HDX: variants seen among roughly 807,000 people sequenced by gnomAD.
HDX encodes chromosome X open reading frame 43.
HDX carries 19 observed loss-of-function variants against 45.2 expected under a neutral mutation model. The observed-to-expected ratio is 0.42, with a 90% CI of 0.29 to 0.62. The LOEUF (loss-of-function observed/expected upper bound fraction) is 0.62. Ranked by LOEUF, HDX falls within the 20% of genes least tolerant of loss-of-function variation. The probability of loss-of-function intolerance (pLI) is 0.20; values close to 1 mark genes in which losing one functional copy is unlikely to be tolerated. For synonymous variants in HDX, 188 were observed against 172.8 expected (o/e 1.09, Z -0.69); for missense variants, 532 against 493.9 (o/e 1.08, Z -0.73).
chrX:84,350,885 G>C (rs1239956602), intron 6 of HDX, among the ~76,000 whole-genome samples: 1 of 111,064 alleles, frequency 9.0e-6, no homozygotes, highest in African/African-American at 3.3e-5. Flanking sequence ...ATTTCTTTTA[G>C]TGTATTTTGT....
chrX:84,426,919 A>G (rs2057913106), intron 5 of HDX, among the ~76,000 whole-genome samples: 1 of 110,652 alleles, frequency 9.0e-6, no homozygotes, highest in African/African-American at 3.3e-5. Flanking sequence ...CCTTAAATAT[A>G]TACAATTTTA....
At chrX:84,469,642 C>T (rs752686739) in intron 3 of HDX, 67 bp from the exon 4 acceptor site, 8 of 879,019 alleles carry the variant, frequency 9.1e-6, no homozygotes, top group Middle Eastern at 5.7e-4. Context: ...ACAAATTTTA[C>T]GTGGTACATT....
At chrX:84,385,029 GA>G (rs753305699) in intron 5 of HDX, among the ~76,000 whole-genome samples, 1 of 109,130 alleles carries the variant, frequency 9.2e-6, no homozygotes, top group Admixed American at 9.8e-5. Flanking sequence ...GGTTCCATGT[GA>G]AAGTTAGAAT....
At chrX:84,386,515 T>G (rs2038324503) in intron 5 of HDX, among the ~76,000 whole-genome samples, 1 of 111,828 alleles carries the variant, frequency 8.9e-6, no homozygotes, top group African/African-American at 3.3e-5. Flanking sequence ...TTGTTATTAC[T>G]GATAAAACTT....
intron 4 of HDX, among the ~76,000 whole-genome samples, chrX:84,449,764 G>C (rs1046359141): frequency 8.9e-6 from 1 of 111,822 alleles, no homozygotes; most frequent in Non-Finnish European, 1.9e-5. Flanking sequence ...AAAGGGAAAA[G>C]ACTCCAATGT....
At chrX:84,402,329 T>G (rs960135483) in intron 5 of HDX, among the ~76,000 whole-genome samples, 13 of 112,204 alleles carry the variant, frequency 1.2e-4, no homozygotes, top group Non-Finnish European at 5.6e-5. Context: ...GGCTGTAACA[T>G]TCTATGCTTT....
chrX:84,456,133 A>G (rs1272639209), intron 4 of HDX, among the ~76,000 whole-genome samples: 1 of 112,205 alleles, frequency 8.9e-6, no homozygotes, highest in East Asian at 2.8e-4. Flanking sequence ...ATCTGATGGT[A>G]CAAATCTCCC....
intron 6 of HDX, among the ~76,000 whole-genome samples, chrX:84,349,955 G>T (rs1419594026): frequency 9.1e-6 from 1 of 109,475 alleles, no homozygotes; most frequent in South Asian, 3.9e-4. Context: ...AAAATCACCT[G>T]TTGGGTACAA....
At chrX:84,426,537 TA>T (rs1187539424) in intron 5 of HDX, among the ~76,000 whole-genome samples, 1 of 110,255 alleles carries the variant, frequency 9.1e-6, no homozygotes, top group Non-Finnish European at 1.9e-5. Flanking sequence ...CTAAGTAAAA[TA>T]AGGGCTGACA....
intron 5 of HDX, among the ~76,000 whole-genome samples, chrX:84,375,896 A>C (rs2038043881): frequency 8.9e-6 from 1 of 112,199 alleles, no homozygotes; most frequent in African/African-American, 3.2e-5. Flanking sequence ...AAGTATAATA[A>C]TAATAAAATA....
At chrX:84,384,378 GT>G (rs951252657) in intron 5 of HDX, among the ~76,000 whole-genome samples, 25 of 110,320 alleles carry the variant, frequency 2.3e-4, no homozygotes, top group Middle Eastern at 9.4e-3. Flanking sequence ...TATTGGGGTT[GT>G]TTTTTGTTGA....
intron 2 of HDX, among the ~76,000 whole-genome samples, chrX:84,485,648 T>G (rs1415755518): frequency 8.9e-6 from 1 of 112,258 alleles, no homozygotes; most frequent in Non-Finnish European, 1.9e-5. Flanking sequence ...TCTGCCCTCC[T>G]TGGCCTCCCA....
intron 5 of HDX, among the ~76,000 whole-genome samples, chrX:84,435,507 A>C (rs959033090): frequency 9.1e-6 from 1 of 109,748 alleles, no homozygotes; most frequent in African/African-American, 3.3e-5. Context: ...CCCACGTTGT[A>C]GGTTGCCTGT....
At chrX:84,353,697 T>A (rs781177067) in intron 6 of HDX, among the ~76,000 whole-genome samples, 2 of 111,755 alleles carry the variant, frequency 1.8e-5, no homozygotes, top group Admixed American at 1.9e-4. Context: ...AGATTGTTAC[T>A]GGCAGAGATT....
intron 4 of HDX, among the ~76,000 whole-genome samples, chrX:84,441,846 T>G (rs1033779774): frequency 9.0e-6 from 1 of 111,460 alleles, no homozygotes; most frequent in Admixed American, 9.6e-5. Context: ...TCAAGTTCAA[T>G]ACATTCTCAT....
chrX:84,399,017 A>G (rs1012782035), intron 5 of HDX, among the ~76,000 whole-genome samples: 1 of 111,852 alleles, frequency 8.9e-6, no homozygotes, highest in Non-Finnish European at 1.9e-5. Context: ...CTTTGAAATG[A>G]ATAAGAACAA....
At chrX:84,428,562 A>G (rs1261482308) in intron 5 of HDX, among the ~76,000 whole-genome samples, 2 of 110,914 alleles carry the variant, frequency 1.8e-5, no homozygotes, top group East Asian at 5.7e-4. Context: ...ACATAATAGA[A>G]ATCACATAAT....
Position 84,449,058 on chromosome X carries a change from C to T in HDX, c.1252-8473G>A, listed in dbSNP as rs181962268. ...AACTTCAACAATAGATCACACCAAG[C>T]AGAAGAACGAATTTCAGAATGGGAA... is the stretch of plus-strand genomic sequence containing the variant. On this transcript the variant is annotated intron_variant, in intron 4 of 10. Transcript: ENST00000373177. Among the ~76,000 whole-genome samples the T allele has an allele frequency of 8.4e-5, 9 of 107,292 alleles. No homozygotes were observed. The East Asian group carries it at 2.7e-3, about 32-fold the overall frequency. 93.2% of individuals were successfully genotyped at this position (107,292 alleles called of 115,157 possible).
intron 5 of HDX, among the ~76,000 whole-genome samples, chrX:84,406,017 C>T (rs1055119647): frequency 4.5e-5 from 5 of 110,180 alleles, no homozygotes; most frequent in Admixed American, 9.8e-5. Context: ...TTTAAATTTA[C>T]GAAGCCGCCA....
Sources: allele counts gnomAD v4.1 joint callset (sites outside exome capture counted in the v4.1 genomes callset), GRCh38; gene constraint gnomAD v4.1.1; transcripts MANE v1.5; gene names NCBI Gene and HGNC (gene_info 2026-07-23, HGNC 2026-07-21).